The following CNBD1 variants were observed in gnomAD, a reference collection of about 807,000 sequenced individuals.
CNBD1 encodes cyclic nucleotide-binding domain-containing protein 1.
A neutral mutation model predicts 54.4 loss-of-function variants in CNBD1; 71 were observed. The observed-to-expected ratio is 1.30, with a 90% CI of 1.08 to 1.59. The LOEUF is 1.59. CNBD1 is among the 40% of genes most tolerant of loss of function. The probability of loss-of-function intolerance (pLI) is 0.00; values close to 1 mark genes in which losing one functional copy is unlikely to be tolerated. For missense variants in CNBD1, 659 were observed against 518.0 expected (o/e 1.27, Z -2.64); for synonymous variants, 182 against 170.7 (o/e 1.07, Z -0.51).
At chr8:87,177,485 A>G (rs1001535982) in intron 4 of CNBD1, among the ~76,000 whole-genome samples, 1 of 152,188 alleles carries the variant, frequency 6.6e-6, no homozygotes, top group Admixed American at 6.5e-5. Context: ...TTTTATTAGC[A>G]CAATTGCATA....
chr8:87,226,765 G>A (rs532683947), intron 5 of CNBD1, among the ~76,000 whole-genome samples: 89 of 151,812 alleles, frequency 5.9e-4, no homozygotes, highest in African/African-American at 1.7e-3. Context: ...TCCGCTTGGT[G>A]CAGAGCTGAG....
At chr8:87,236,857 G>A in intron 5 of CNBD1, 62 bp from the exon 6 acceptor site, 1 of 917,350 alleles carries the variant, frequency 1.1e-6, no homozygotes, top group East Asian at 2.4e-5. Flanking sequence ...ATATATATTA[G>A]TCATATCTAT....
In CNBD1 at chr8:87,426,027, G is replaced by A. The variant is rs113126217; in HGVS notation, c.214-2519G>A. 1.7e-3 allele frequency among the ~76,000 whole-genome samples: 256 copies of A among 152,316 alleles called. 1 individual carries two copies. Among genetic ancestry groups the A allele is most frequent in the African/African-American group, 5.8e-3 (243 of 41,586 alleles). On this transcript the variant is annotated intron_variant, in intron 2 of 7. Transcript: ENST00000521593. ...GCAGGATATAATCTCGTGGTGCACCGTTTTTTAAGCCCGTCGGAAAATCGC... is the reference window on the plus strand; with the variant it reads ...GCAGGATATAATCTCGTGGTGCACCATTTTTTAAGCCCGTCGGAAAATCGC...
At chr8:87,072,297 A>G (rs1435135488) in intron 4 of CNBD1, among the ~76,000 whole-genome samples, 1 of 152,078 alleles carries the variant, frequency 6.6e-6, no homozygotes, top group East Asian at 1.9e-4. Context: ...CAGTTGTCCT[A>G]TTTACATATA....
intron 4 of CNBD1, among the ~76,000 whole-genome samples, chr8:87,063,803 AAGG>A (rs901492306): frequency 1.6e-4 from 24 of 152,096 alleles, no homozygotes; most frequent in African/African-American, 5.5e-4. Flanking sequence ...AATTTTCTGA[AAGG>A]AGGATTTACA....
chr8:86,990,736 A>G (rs567835453), intron 4 of CNBD1, among the ~76,000 whole-genome samples: 29 of 152,246 alleles, frequency 1.9e-4, no homozygotes, highest in African/African-American at 6.7e-4. Flanking sequence ...AGAATTTAAT[A>G]TGTGTTTTGA....
chr8:87,408,853 C>T (rs149836835), intron 2 of CNBD1, among the ~76,000 whole-genome samples: 7 of 152,116 alleles, frequency 4.6e-5, no homozygotes, highest in Middle Eastern at 3.4e-3. Context: ...GATGCAATGA[C>T]CTGCATCCAT....
rs566661765 is a variant in CNBD1 at position 87,337,296 on chromosome 8, G to T, written c.1043-14389G>T. On this transcript the variant is annotated intron_variant, in intron 8 of 10. Transcript: ENST00000518476. ...GGCTGCCCGGAGTTATCAGAGCTAG[G>T]AGGAGGAAAGATTAAGTCTGCTGGT... Among the ~76,000 whole-genome samples the T allele has an allele frequency of 2.6e-5, 4 of 152,132 alleles. No homozygotes were observed. In the South Asian group the frequency reaches 6.2e-4, roughly 24 times the overall value.
At chr8:87,394,091 C>T (rs1285583917) in intron 2 of CNBD1, among the ~76,000 whole-genome samples, 1 of 151,812 alleles carries the variant, frequency 6.6e-6, no homozygotes, top group Non-Finnish European at 1.5e-5. Flanking sequence ...TGGACATGAT[C>T]ACAGGCTATA....
intron 4 of CNBD1, among the ~76,000 whole-genome samples, chr8:87,147,793 A>C (rs998998527): frequency 2.6e-5 from 4 of 152,138 alleles, no homozygotes; most frequent in African/African-American, 9.7e-5. Flanking sequence ...AACTGTCAGC[A>C]CTGATCTAGT....
intron 5 of CNBD1, among the ~76,000 whole-genome samples, chr8:87,220,848 G>A (rs1814317982): frequency 9.1e-6 from 1 of 110,174 alleles, no homozygotes; most frequent in South Asian, 2.3e-4. Flanking sequence ...ATCAAAATGT[G>A]GGTATATTTT....
intron 10 of CNBD1, among the ~76,000 whole-genome samples, chr8:87,358,192 G>A (rs186906132): frequency 5.3e-5 from 8 of 152,206 alleles, no homozygotes; most frequent in African/African-American, 1.4e-4. Flanking sequence ...TTCCTTCATA[G>A]CAATGCAAAA....
intron 6 of CNBD1, among the ~76,000 whole-genome samples, chr8:87,245,478 A>AT (rs1335400472): frequency 9.0e-6 from 1 of 111,576 alleles, no homozygotes; most frequent in Admixed American, 9.0e-5. Flanking sequence ...ACATCTTCCC[A>AT]TTTTTTTAAT....
In CNBD1 at chr8:87,382,754, TC is replaced by T; in HGVS notation, c.*131del. ...TCTATTGTGACTACATATCCTGGAT[TC>T]CCCAGGAAAGTCCCACTTTCGAATT... On this transcript the variant is annotated 3_prime_UTR_variant, in exon 11 of 11. Coordinates refer to ENST00000518476, the MANE Select transcript of CNBD1 (RefSeq NM_173538.3). The T allele has an allele frequency of 3.5e-6, 2 of 575,288 alleles. No homozygotes were observed. The highest frequency in any genetic ancestry group is 2.9e-6 in the Non-Finnish European group (1 of 349,004). 35.6% of individuals were successfully genotyped at this position (575,288 alleles called of 1,614,324 possible).
At chr8:86,889,110 A>G (rs1808727606) in intron 2 of CNBD1, among the ~76,000 whole-genome samples, 3 of 152,084 alleles carry the variant, frequency 2.0e-5, no homozygotes, top group Admixed American at 6.6e-5. Flanking sequence ...AAATTGTTGG[A>G]TGTGTTCTTT....
intron 4 of CNBD1, among the ~76,000 whole-genome samples, chr8:86,982,228 T>C (rs931681255): frequency 1.3e-5 from 2 of 152,198 alleles, no homozygotes; most frequent in Admixed American, 6.5e-5. Flanking sequence ...AACTTCTTTG[T>C]ATATCTTCTT....
intron 10 of CNBD1, among the ~76,000 whole-genome samples, chr8:87,365,312 C>A (rs953286785): frequency 6.6e-6 from 1 of 151,858 alleles, no homozygotes; most frequent in Non-Finnish European, 1.5e-5. Flanking sequence ...GCTAAAGTAT[C>A]TGTTCATGTC....
intron 8 of CNBD1, among the ~76,000 whole-genome samples, chr8:87,305,533 G>T (rs191837934): frequency 2.0e-5 from 3 of 152,112 alleles, no homozygotes; most frequent in African/African-American, 7.2e-5. Flanking sequence ...CACCAAAACA[G>T]CATGGGATTG....
intron 4 of CNBD1, among the ~76,000 whole-genome samples, chr8:87,006,245 C>T (rs1388544441): frequency 1.3e-5 from 2 of 152,172 alleles, no homozygotes; most frequent in African/African-American, 2.4e-5. Context: ...TCTCTCTCTT[C>T]TCTGTCCCTT....
Sources: allele counts gnomAD v4.1 joint callset (sites outside exome capture counted in the v4.1 genomes callset), GRCh38; gene constraint gnomAD v4.1.1; transcripts MANE v1.5; gene names NCBI Gene and HGNC (gene_info 2026-07-23, HGNC 2026-07-21).